The following RCBTB2 variants were observed in gnomAD, a reference collection of about 807,000 sequenced individuals.
RCBTB2 encodes RCC1 and BTB domain-containing protein 2.
RCBTB2 carries 55 observed loss-of-function variants against 65.4 expected under a neutral mutation model. The observed-to-expected ratio is 0.84, with a 90% CI of 0.68 to 1.05. The LOEUF is 1.05. RCBTB2 is among the 50% of genes least tolerant of loss of function. RCBTB2 has a pLI of 0.00. For missense variants in RCBTB2, 599 were observed against 680.1 expected (o/e 0.88, Z 1.33); for synonymous variants, 220 against 255.2 (o/e 0.86, Z 1.31).
chr13:48,503,056 A>C, intron 10 of RCBTB2, 142 bp from the exon 11 acceptor site: 4 of 858,780 alleles, frequency 4.7e-6, no homozygotes, highest in Non-Finnish European at 5.2e-6. Context: ...AACAAAACAA[A>C]CCACCACATG....
intron 12 of RCBTB2, among the ~76,000 whole-genome samples, 155 bp from the exon 13 acceptor site, chr13:48,499,915 A>G (rs1032229289): frequency 1.3e-5 from 2 of 152,150 alleles, no homozygotes; most frequent in African/African-American, 4.8e-5. Flanking sequence ...ACAATCATCT[A>G]TTCAGCAAGG....
intron 13 of RCBTB2, among the ~76,000 whole-genome samples, chr13:48,496,871 C>G (rs1950009460): frequency 7.1e-6 from 1 of 141,822 alleles, no homozygotes; most frequent in African/African-American, 2.9e-5. Context: ...GAGACCCTTT[C>G]ATGGACACGT....
At position 48,515,703 on chromosome 13, in the gene RCBTB2, A is replaced by G. The variant is rs1394000139; in HGVS notation, c.81T>C (p.Asp27=). 6.2e-7 allele frequency: 1 copy of G among 1,613,634 alleles called. No homozygotes were observed. ...GGGAAAAAATTGGCCACTTTCCCAC[A>G]TCTAACATCTTCAAAGATGACAGAG... is the stretch of plus-strand genomic sequence containing the variant. The part of the protein sequence containing the change: ...QATLSSLKML[D]VGKWPIFSLC... Residue 27 remains aspartate, a synonymous_variant, in exon 5 of 15, where the codon GAT becomes GAC. Coordinates refer to ENST00000344532, the MANE Select transcript of RCBTB2 (RefSeq NM_001268.4).
At chr13:48,514,016 T>C (rs1161423848) in intron 6 of RCBTB2, among the ~76,000 whole-genome samples, 1 of 152,246 alleles carries the variant, frequency 6.6e-6, no homozygotes, top group Non-Finnish European at 1.5e-5. Flanking sequence ...TTACAAAATG[T>C]ACTGTTCACA....
chr13:48,522,803 C>T (rs961244611), intron 2 of RCBTB2, among the ~76,000 whole-genome samples: 1 of 152,138 alleles, frequency 6.6e-6, no homozygotes, highest in African/African-American at 2.4e-5. Flanking sequence ...CAGGTACTAA[C>T]ATCAGAACAT....
intron 4 of RCBTB2, among the ~76,000 whole-genome samples, chr13:48,518,775 A>G (rs1304672816): frequency 6.6e-6 from 1 of 152,132 alleles, no homozygotes; most frequent in African/African-American, 2.4e-5. Context: ...CCAAGGCCAC[A>G]ATAGAGCTAA....
At position 48,499,688 on chromosome 13, in the gene RCBTB2, A is replaced by G. The variant is rs897398090; in HGVS notation, c.1317T>C (p.Pro439=). The change falls in exon 13 of 15, where the codon CCT becomes CCC. Residue 439 remains proline (P), a synonymous_variant. Transcript: ENST00000344532. The stretch of plus-strand genomic sequence containing the variant: ...GGTATTCCAGGAAGGCCCGGTAAAC[A>G]GGATATGAAAATTCACTCATTTCTA... The part of the protein sequence containing the change: ...DIVEMSEFSY[P]VYRAFLEYLY... 2.8e-5 allele frequency: 46 copies of G among 1,614,096 alleles called. No individual in the cohort carries two copies. The highest frequency in any genetic ancestry group is 3.7e-5 in the Non-Finnish European group (44 of 1,180,028).
intron 14 of RCBTB2, among the ~76,000 whole-genome samples, chr13:48,490,785 G>GATTT (rs1308858285): frequency 3.9e-5 from 6 of 152,162 alleles, no homozygotes; most frequent in African/African-American, 1.4e-4. Flanking sequence ...GGGATGGATG[G>GATTT]ATTTGATCAC....
At chr13:48,504,415 A>C in intron 10 of RCBTB2, 133 of 759,982 alleles carry the variant, frequency 1.8e-4, no homozygotes, top group Non-Finnish European at 2.0e-4. Context: ...AGGCTTTCTC[A>C]TTGACCTTCA....
rs139142033 is a variant in RCBTB2 at position 48,526,494 on chromosome 13, C to A, written c.-218-1737G>T. Reference sequence around the variant, plus strand: ...GAGGCTGCGGTGAACCATGATCACACCACTGCACTCAGCCCGGGTGACAAA... The same window carrying A: ...GAGGCTGCGGTGAACCATGATCACAACACTGCACTCAGCCCGGGTGACAAA... On this transcript the variant is annotated intron_variant, in intron 1 of 14. Coordinates refer to ENST00000344532, the MANE Select transcript of RCBTB2 (RefSeq NM_001268.4). 9.0e-3 allele frequency among the ~76,000 whole-genome samples: 1,374 copies of A among 152,200 alleles called. 13 individuals carry two copies. The highest frequency in any genetic ancestry group is 0.032 in the African/African-American group (1,324 of 41,510).
At chr13:48,499,166 TCTCA>T (rs1254556944) in intron 13 of RCBTB2, among the ~76,000 whole-genome samples, 2 of 149,074 alleles carry the variant, frequency 1.3e-5, no homozygotes, top group African/African-American at 5.0e-5. Flanking sequence ...TCTCTCTCTC[TCTCA>T]CACACACACA....
chr13:48,518,784 A>G (rs1388867002), intron 4 of RCBTB2, among the ~76,000 whole-genome samples: 1 of 152,084 alleles, frequency 6.6e-6, no homozygotes, highest in East Asian at 1.9e-4. Context: ...CAATAGAGCT[A>G]AGGATGGAAT....
chr13:48,490,391 T>A, intron 14 of RCBTB2, 140 bp from the exon 15 acceptor site: 1 of 655,010 alleles, frequency 1.5e-6, no homozygotes. Context: ...TGGTAATACC[T>A]AAAGAATAGT....
intron 14 of RCBTB2, among the ~76,000 whole-genome samples, chr13:48,493,264 T>TACACACAC (rs1566253976): frequency 1.1e-5 from 1 of 88,074 alleles, no homozygotes; most frequent in Non-Finnish European, 1.9e-5. Context: ...CACACACTCT[T>TACACACAC]CTCTCTCTCA....
At chr13:48,507,752 C>T (rs1006805298) in intron 10 of RCBTB2, among the ~76,000 whole-genome samples, 2 of 152,152 alleles carry the variant, frequency 1.3e-5, no homozygotes, top group African/African-American at 2.4e-5. Flanking sequence ...CCTCAGAAGT[C>T]AAAGAATTCT....
chr13:48,521,869 A>G (rs1355214814), intron 4 of RCBTB2, 29 bp downstream of exon 4: 1 of 1,608,332 alleles, frequency 6.2e-7, no homozygotes, highest in Non-Finnish European at 8.5e-7. Context: ...CAGAACACAC[A>G]TGCTCCAAGG....
intron 14 of RCBTB2, among the ~76,000 whole-genome samples, chr13:48,491,338 T>C (rs1309965080): frequency 6.6e-6 from 1 of 152,070 alleles, no homozygotes; most frequent in African/African-American, 2.4e-5. Context: ...ACTAGGAAAA[T>C]GTTTATTTCA....
chr13:48,527,270 C>T (rs1951793673), intron 1 of RCBTB2, among the ~76,000 whole-genome samples: 1 of 125,514 alleles, frequency 8.0e-6, no homozygotes, highest in Admixed American at 7.9e-5. Context: ...CTATGTGTTA[C>T]TTTATTAGTT....
intron 12 of RCBTB2, among the ~76,000 whole-genome samples, 171 bp downstream of exon 12, chr13:48,501,571 G>A (rs906748582): frequency 1.3e-5 from 2 of 152,154 alleles, no homozygotes; most frequent in African/African-American, 2.4e-5. Context: ...CACACAACCT[G>A]TGTTATTTCT....
Sources: allele counts gnomAD v4.1 joint callset (sites outside exome capture counted in the v4.1 genomes callset), GRCh38; gene constraint gnomAD v4.1.1; transcripts MANE v1.5; gene names NCBI Gene and HGNC (gene_info 2026-07-23, HGNC 2026-07-21).